PCM1: variants seen among roughly 807,000 people sequenced by gnomAD.
The protein encoded by PCM1 is pericentriolar material 1 protein.
PCM1 carries 157 observed loss-of-function variants against 241.9 expected under a neutral mutation model. That is an observed-to-expected ratio of 0.65 (90% confidence interval 0.57 to 0.74). PCM1 has a LOEUF of 0.74. PCM1 is among the 30% of genes least tolerant of loss of function. PCM1 has a pLI of 0.00. For synonymous variants in PCM1, 1,085 were observed against 784.9 expected, an observed-to-expected ratio of 1.38 and a Z score of -6.39; for missense variants, 3,478 against 2,360.1, an observed-to-expected ratio of 1.47 and a Z score of -9.81.
chr8:17,930,770 T>C (rs982625249), intron 2 of PCM1, among the ~76,000 whole-genome samples: 7 of 151,662 alleles, frequency 4.6e-5, no homozygotes, highest in Non-Finnish European at 7.4e-5. Context: ...GTCCCAGCTA[T>C]TGGGGAGGCT....
chr8:17,978,331 GAAGA>G (rs757741938), intron 23 of PCM1, among the ~76,000 whole-genome samples: 82 of 152,160 alleles, frequency 5.4e-4, no homozygotes, highest in Non-Finnish European at 1.1e-3. Context: ...TAGATGGGAT[GAAGA>G]AAGACTTGAG....
rs891460955 is a variant in PCM1, at chr8:18,010,678, A to G, written c.5220+10A>G. The G allele has an allele frequency of 1.9e-6, 3 of 1,586,740 alleles. No homozygotes were observed. Among genetic ancestry groups the G allele is most frequent in the Non-Finnish European group, 2.6e-6 (3 of 1,165,734 alleles). ...TGATGATGAAGACAAAGTATGTGCTAATTAATTTTTGCCTAAAAATATGGC... is the reference window on the plus strand; with the variant it reads ...TGATGATGAAGACAAAGTATGTGCTGATTAATTTTTGCCTAAAAATATGGC... On this transcript the variant is annotated intron_variant, in intron 32 of 38. Coordinates refer to ENST00000325083, the MANE Select transcript of PCM1 (RefSeq NM_006197.4).
chr8:17,963,435 C>G, intron 17 of PCM1, 144 bp downstream of exon 17: 2 of 568,082 alleles, frequency 3.5e-6, no homozygotes, highest in East Asian at 3.2e-5. Context: ...ACCTTTGTGA[C>G]CCAGTTTAAT....
At chr8:17,981,850 T>A (rs2080941978) in intron 24 of PCM1, among the ~76,000 whole-genome samples, 1 of 151,754 alleles carries the variant, frequency 6.6e-6, no homozygotes, top group Non-Finnish European at 1.5e-5. Context: ...TCAGAAGTCA[T>A]GCCCTTAATC....
At chr8:17,993,399 A>T in intron 28 of PCM1, 84 bp from the exon 29 acceptor site, 1 of 904,288 alleles carries the variant, frequency 1.1e-6, no homozygotes, top group Non-Finnish European at 1.6e-6. Context: ...ATCAAATTTA[A>T]TATTTTTCAA....
intron 23 of PCM1, among the ~76,000 whole-genome samples, chr8:17,974,075 C>T (rs1333494377): frequency 1.3e-5 from 2 of 152,156 alleles, no homozygotes; most frequent in Non-Finnish European, 2.9e-5. Context: ...CAAGTTTGAA[C>T]AGGAGTGAAA....
intron 15 of PCM1, 111 bp downstream of exon 15, chr8:17,960,555 C>T (rs2129467170): frequency 3.0e-6 from 1 of 337,586 alleles, no homozygotes; most frequent in Non-Finnish European, 5.0e-6. Flanking sequence ...GGCAGAGTCT[C>T]ACTCTGTTGC....
Position 17,957,546 on chromosome 8 carries a change from G to T in PCM1, c.1811G>T (p.Arg604Leu). 1 of 1,583,664 alleles carries T rather than the reference G, an allele frequency of 6.3e-7. No individual in the cohort carries two copies. Among genetic ancestry groups the T allele is most frequent in the Non-Finnish European group, 8.6e-7 (1 of 1,162,754 alleles). Residue 604 changes from arginine to leucine, a missense_variant, in exon 13 of 39, where the codon CGA (arginine) becomes CTA (leucine). Transcript: ENST00000325083. ...TTATACATGTTTTCAGCAGATTGTC[G>T]ATATAATAGAGAAGGGGAACAGGAG... is the stretch of plus-strand genomic sequence containing the variant. ...ALNMPPSLDC[R>L]YNREGEQEIH...
chr8:18,005,476 G>C (rs576805039), intron 29 of PCM1, among the ~76,000 whole-genome samples: 5 of 151,746 alleles, frequency 3.3e-5, no homozygotes, highest in East Asian at 1.9e-4. Context: ...ATGTATTGGT[G>C]GGGGGGACTG....
intron 26 of PCM1, 185 bp downstream of exon 26, chr8:17,986,272 G>C: frequency 2.4e-6 from 1 of 412,636 alleles, no homozygotes. Flanking sequence ...AAATATGGTA[G>C]CAAACACCAA....
rs117910330 is a variant in PCM1 at position 17,938,121 on chromosome 8, A to T, written c.343-619A>T. Among the ~76,000 whole-genome samples, 801 of 152,266 alleles carry T rather than the reference A, an allele frequency of 5.3e-3. 5 individuals are homozygous for T. The highest frequency in any genetic ancestry group is 9.0e-3 in the Non-Finnish European group (613 of 68,004). ...AAAAAGCAATATGAGTTAAAGTGTGATCCATGGTCCTAGGACACGTTGAGC... is the reference window on the plus strand; with the variant it reads ...AAAAAGCAATATGAGTTAAAGTGTGTTCCATGGTCCTAGGACACGTTGAGC... On this transcript the variant is annotated intron_variant, in intron 4 of 38. Transcript: ENST00000325083.
At chr8:17,948,444 A>T (rs2064731540) in intron 7 of PCM1, among the ~76,000 whole-genome samples, 1 of 151,694 alleles carries the variant, frequency 6.6e-6, no homozygotes, top group Admixed American at 6.6e-5. Flanking sequence ...AGCTGGGATT[A>T]CAGGTGCGCA....
rs770941678 is a variant in PCM1, at chr8:17,962,149, A to C, written c.2438A>C (p.Glu813Ala). Residue 813 changes from glutamate to alanine, a missense_variant, in exon 16 of 39, where the codon GAA becomes GCA. Transcript: ENST00000325083. ...TSTSKSVFEP[E>A]DSSIVDNELW... ...ACAAGCAAATCTGTTTTTGAGCCTG[A>C]AGATTCTTCAATAGTAGATAATGAG... is the stretch of plus-strand genomic sequence containing the variant. 3.1e-6 allele frequency: 5 copies of C among 1,607,562 alleles called. No individual in the cohort carries two copies. In the South Asian group the frequency reaches 5.5e-5, roughly 18 times the overall value.
chr8:17,937,643 A>G (rs1172248369), intron 4 of PCM1, among the ~76,000 whole-genome samples: 7 of 152,160 alleles, frequency 4.6e-5, no homozygotes, highest in Non-Finnish European at 8.8e-5. Context: ...TTTACTATAC[A>G]ACTAAATTTT....
At chr8:17,929,456 T>G (rs1440742858) in intron 2 of PCM1, among the ~76,000 whole-genome samples, 1 of 152,230 alleles carries the variant, frequency 6.6e-6, no homozygotes, top group African/African-American at 2.4e-5. Flanking sequence ...TGTTGAGAGA[T>G]AGATCGCTAT....
chr8:17,932,456 A>G (rs1244313751), intron 2 of PCM1, among the ~76,000 whole-genome samples: 1 of 152,190 alleles, frequency 6.6e-6, no homozygotes, highest in East Asian at 1.9e-4. Context: ...TATGTAATTT[A>G]TATGAAAGTT....
At chr8:17,953,784 A>G (rs950871626) in intron 9 of PCM1, among the ~76,000 whole-genome samples, 1 of 152,162 alleles carries the variant, frequency 6.6e-6, no homozygotes, top group African/African-American at 2.4e-5. Flanking sequence ...TCTAGTCTTC[A>G]GTTCCTATCC....
intron 15 of PCM1, 28 bp downstream of exon 15, chr8:17,960,472 C>G (rs1265991530): frequency 1.3e-6 from 2 of 1,543,454 alleles, no homozygotes; most frequent in African/African-American, 1.4e-5. Context: ...TTCTAATTGT[C>G]TGAAAAAAGA....
rs542692955 is a variant in PCM1 at position 17,995,450 on chromosome 8, C to G, written c.4827+1831C>G. On this transcript the variant is annotated intron_variant, in intron 29 of 38. Transcript: ENST00000325083. ...TTCTGTTGTTTGTATGCCAGTACCA[C>G]GCTGTTTTGGTTACTATAGCTCTGT... Among the ~76,000 whole-genome samples, 31 of 151,376 alleles carry G rather than the reference C, an allele frequency of 2.0e-4. 1 individual carries two copies. Among genetic ancestry groups the G allele is most frequent in the African/African-American group, 6.6e-4 (27 of 40,782 alleles).
Sources: allele counts gnomAD v4.1 joint callset (sites outside exome capture counted in the v4.1 genomes callset), GRCh38; gene constraint gnomAD v4.1.1; transcripts MANE v1.5; gene names NCBI Gene and HGNC (gene_info 2026-07-23, HGNC 2026-07-21).